The following CAND2 variants were observed in gnomAD, a reference collection of about 807,000 sequenced individuals.
CAND2 encodes cullin associated and neddylation dissociated 2 (putative), also known as cullin-associated NEDD8-dissociated protein 2.
Under a neutral mutation model 98.9 loss-of-function variants are expected in CAND2, and 62 were observed. That is an observed-to-expected ratio of 0.63 (90% CI 0.51 to 0.77). The LOEUF (loss-of-function observed/expected upper bound fraction) is 0.77. Among genes scored for constraint, CAND2 ranks in the 30% least tolerant of loss-of-function variants. CAND2 has a pLI of 0.00. For missense variants in CAND2, 1,501 were observed against 1,655.2 expected (o/e 0.91, Z 1.62); for synonymous variants, 770 against 731.9 (o/e 1.05, Z -0.84).
rs1322877907 is a variant in CAND2, at chr3:12,813,069, C to G, written c.837C>G (p.Leu279=). 3 of 1,581,216 alleles carry G rather than the reference C, an allele frequency of 1.9e-6. No individual in the cohort carries two copies. Among genetic ancestry groups the G allele is most frequent in the Non-Finnish European group, 2.6e-6 (3 of 1,163,916 alleles). Residue 279 remains leucine, a synonymous_variant, in exon 6 of 15, where the codon CTC becomes CTG. Coordinates refer to ENST00000456430, the MANE Select transcript of CAND2 (RefSeq NM_001162499.2). ...ATGATGAGCTCCGGGAGTCCTGCCT[C>G]CAGGCTTTTGAGGCCTTCTTGAGGA... The part of the protein sequence containing the change: ...LDDDELRESC[L]QAFEAFLRKC...
chr3:12,797,690 C>T (rs910192675), intron 1 of CAND2, among the ~76,000 whole-genome samples: 7 of 152,136 alleles, frequency 4.6e-5, no homozygotes, highest in African/African-American at 1.7e-4. Context: ...ACCTTGGAGA[C>T]TCAATGAACA....
rs2061943449 is a variant in CAND2, at chr3:12,820,006, G to A, written c.2945-80G>A. 3 of 1,102,402 alleles carry A rather than the reference G, an allele frequency of 2.7e-6. No homozygotes were observed. In the Admixed American group the frequency reaches 5.3e-5, roughly 19 times the overall value. The allele number at this position is 1,102,402 out of a possible 1,614,324, so 68.3% of individuals were successfully genotyped here. A position where few individuals can be genotyped will look rare whatever the true frequency, so the allele number is the denominator to read the frequency against. On this transcript the variant is annotated intron_variant, in intron 10 of 14. Transcript: ENST00000456430. The stretch of plus-strand genomic sequence containing the variant: ...TCTGTTTTCCAGGGAAGCAGGGGGA[G>A]GAGCCTAAGCACCTTCTGATCTGTG...
intron 2 of CAND2, among the ~76,000 whole-genome samples, chr3:12,805,115 T>C (rs1056676294): frequency 1.3e-5 from 2 of 152,160 alleles, no homozygotes; most frequent in African/African-American, 4.8e-5. Context: ...TAGTAATGTG[T>C]GTTTCCATGT....
At position 12,815,914 on chromosome 3, in the gene CAND2, C is replaced by G. The variant is rs200578477; in HGVS notation, c.1347C>G (p.Ser449Arg). Reference sequence around the variant, plus strand: ...TGCAGCGGCAGCTTAAAGATCGGAGCGTCAGAGCCCGCCAGGGATGCTTCA... The same window carrying G: ...TGCAGCGGCAGCTTAAAGATCGGAGGGTCAGAGCCCGCCAGGGATGCTTCA... ...KALQRQLKDR[S>R]VRARQGCFSL... Residue 449 changes from serine to arginine, a missense_variant, in exon 9 of 15, where the codon AGC becomes AGG. Physicochemically the swap from Ser to Arg is moderately radical, Grantham distance 110. Around this residue, in one of 3 missense-constraint regions of CAND2, gnomAD observed 1,427 missense variants for 1,545.3 expected, o/e 0.92. Coordinates refer to ENST00000456430, the MANE Select transcript of CAND2 (RefSeq NM_001162499.2). This position sits in a 1 kb window ranked among gnomAD's most constrained non-coding sequence, Gnocchi z 5.7. 1.7e-3 allele frequency: 2,679 copies of G among 1,613,710 alleles called. 3 individuals are homozygous for G. Among genetic ancestry groups the G allele is most frequent in the Non-Finnish European group, 2.1e-3 (2,441 of 1,179,964 alleles).
In CAND2 at chr3:12,816,498, C is replaced by T. The variant is rs1395272755; in HGVS notation, c.1566C>T (p.Leu522=). The T allele has an allele frequency of 1.2e-6, 2 of 1,613,918 alleles. No homozygotes were observed. The highest frequency in any genetic ancestry group is 2.2e-5 in the East Asian group (1 of 44,892). The change falls in exon 10 of 15, where the codon CTC becomes CTT. Residue 522 remains leucine (L), a synonymous_variant. Coordinates refer to ENST00000456430, the MANE Select transcript of CAND2 (RefSeq NM_001162499.2). The stretch of plus-strand genomic sequence containing the variant: ...CCTTCCACCCACACTTGCCTATCCT[C>T]CTGCCACCTGTGATGGCCTGTGTGG... The part of the protein sequence containing the change: ...AEAFHPHLPI[L]LPPVMACVAD...
chr3:12,805,613 C>T (rs1362303012), intron 2 of CAND2, among the ~76,000 whole-genome samples: 1 of 152,166 alleles, frequency 6.6e-6, no homozygotes, highest in Non-Finnish European at 1.5e-5. Context: ...GAGTGACCAT[C>T]TCCCAATAAA....
chr3:12,827,603 G>A lies in CAND2; in HGVS notation c.3374G>A (p.Arg1125Gln), dbSNP rs779543045. ...EDGLKDHYDI[R>Q]MLTFIMVARL... Reference sequence around the variant, plus strand: ...GGGCTGAAGGACCACTACGACATCCGGGTAAGACCAAGCCCCCTGCCAGAT... The same window carrying A: ...GGGCTGAAGGACCACTACGACATCCAGGTAAGACCAAGCCCCCTGCCAGAT... The change falls in exon 13 of 15, where the codon CGG becomes CAG. Residue 1125 changes from arginine (R) to glutamine (Q), a missense_variant and splice_region_variant. Physicochemically the swap from Arg to Gln is conservative, Grantham distance 43. Around this residue, in one of 3 missense-constraint regions of CAND2, gnomAD observed 1,427 missense variants for 1,545.3 expected, o/e 0.92. Transcript: ENST00000456430. 9.3e-6 allele frequency: 15 copies of A among 1,606,828 alleles called. No individual in the cohort carries two copies. The highest frequency in any genetic ancestry group is 6.7e-5 in the East Asian group (3 of 44,794).
At chr3:12,798,001 G>C (rs569059133) in intron 1 of CAND2, among the ~76,000 whole-genome samples, 2 of 152,068 alleles carry the variant, frequency 1.3e-5, no homozygotes, top group South Asian at 2.1e-4. Flanking sequence ...CCCAGCTGCC[G>C]TCACTCACTG....
chr3:12,822,732 T>C lies in CAND2; in HGVS notation c.3040+2551T>C, dbSNP rs371637285. 5.6e-4 allele frequency among the ~76,000 whole-genome samples: 86 copies of C among 152,312 alleles called. 3 individuals carry two copies. In the South Asian group the frequency reaches 0.017, roughly 30 times the overall value. ...CCTGATTCCTTTTAGTGGAGAATGG[T>C]ATTTTGAATCCAAAATCTGGACACT... is the stretch of plus-strand genomic sequence containing the variant. On this transcript the variant is annotated intron_variant, in intron 11 of 14. Coordinates refer to ENST00000456430, the MANE Select transcript of CAND2 (RefSeq NM_001162499.2).
At chr3:12,827,842 G>C (rs2062016898) in intron 13 of CAND2, among the ~76,000 whole-genome samples, 1 of 152,184 alleles carries the variant, frequency 6.6e-6, no homozygotes, top group African/African-American at 2.4e-5. Context: ...AATTGTCCAG[G>C]TGTGGTGGCT....
chr3:12,811,665 G>A (rs943951495), intron 5 of CAND2, among the ~76,000 whole-genome samples: 4 of 151,786 alleles, frequency 2.6e-5, no homozygotes, highest in Non-Finnish European at 4.4e-5. Context: ...TCCGCCTCCC[G>A]GATTCAAGTG....
At chr3:12,813,466 C>A (rs369959616) in intron 7 of CAND2, 78 bp downstream of exon 7, 2 of 1,487,054 alleles carry the variant, frequency 1.3e-6, no homozygotes, top group Non-Finnish European at 1.8e-6. Context: ...CCAAAGACAG[C>A]GGTCACATTT....
At chr3:12,818,274 C>A (rs9882826) in intron 10 of CAND2, among the ~76,000 whole-genome samples, 30 of 141,490 alleles carry the variant, frequency 2.1e-4, no homozygotes, top group African/African-American at 7.7e-4. Flanking sequence ...AAAAAAAAAA[C>A]AAAACAAAAA....
chr3:12,820,903 G>GT (rs1357582282), intron 11 of CAND2, among the ~76,000 whole-genome samples: 2 of 152,194 alleles, frequency 1.3e-5, no homozygotes, highest in African/African-American at 4.8e-5. Flanking sequence ...CCCTGGGTGT[G>GT]TGAGTGTGGA....
At chr3:12,825,398 G>A in intron 11 of CAND2, 72 bp from the exon 12 acceptor site, 1 of 1,433,216 alleles carries the variant, frequency 7.0e-7, no homozygotes, top group Admixed American at 2.1e-5. Flanking sequence ...TAACCAGATG[G>A]CCGGGGTGGT....
chr3:12,797,473 T>A (rs532195110), intron 1 of CAND2, among the ~76,000 whole-genome samples: 63 of 152,050 alleles, frequency 4.1e-4, no homozygotes, highest in African/African-American at 1.4e-3. Context: ...CTAGGTTTTG[T>A]GTGCCACTCT....
At chr3:12,798,166 G>A (rs756466586) in intron 1 of CAND2, among the ~76,000 whole-genome samples, 1 of 152,116 alleles carries the variant, frequency 6.6e-6, no homozygotes, top group South Asian at 2.1e-4. Context: ...CAGGCACTAG[G>A]TCGGTGCTTC....
intron 1 of CAND2, among the ~76,000 whole-genome samples, chr3:12,801,034 ATTTTTTTTT>A (rs372893921): frequency 0.01 from 1,047 of 100,772 alleles, 14 homozygotes; most frequent in African/African-American, 0.033. Context: ...GGAAATCAGT[ATTTTTTTTT>A]TTTTTTTTTT....
At position 12,831,450 on chromosome 3, in the gene CAND2, C is replaced by T. The variant is rs374956958; in HGVS notation, c.3376-15C>T. On this transcript the variant is annotated splice_polypyrimidine_tract_variant and intron_variant, in intron 13 of 14. Coordinates refer to ENST00000456430, the MANE Select transcript of CAND2 (RefSeq NM_001162499.2). The stretch of plus-strand genomic sequence containing the variant: ...TGCACCATTTCACTAAGAACCATCT[C>T]CTTCCTCTGGGCAGATGCTGACCTT... 29 of 1,608,062 alleles carry T rather than the reference C, an allele frequency of 1.8e-5. No homozygotes were observed. The highest frequency in any genetic ancestry group is 2.3e-5 in the Non-Finnish European group (27 of 1,174,978).
Sources: gnomAD v4.1 joint callset for allele counts (sites outside exome capture counted in the v4.1 genomes callset) on GRCh38, gnomAD v4.1.1 for gene constraint, gnomAD v4.1.1 regional missense constraint, Gnocchi (gnomAD v3.1) non-coding constraint, MANE v1.5 for transcripts, NCBI Gene and HGNC (gene_info 2026-07-23, HGNC 2026-07-21) for gene names.